The following PAX8 variants were observed in gnomAD, a reference collection of about 807,000 sequenced individuals.
PAX8 encodes paired box 8.
In PAX8, 15 loss-of-function variants were observed where a neutral mutation model predicts 52.4. That is an observed-to-expected ratio of 0.29 (90% CI 0.19 to 0.44). The LOEUF is 0.44. Among genes scored for constraint, PAX8 ranks in the 20% least tolerant of loss-of-function variants. The probability of loss-of-function intolerance (pLI) is 1.00; values close to 1 mark genes in which losing one functional copy is unlikely to be tolerated. For missense variants in PAX8, 554 were observed against 602.5 expected (o/e 0.92, Z 0.84); for synonymous variants, 284 against 249.7 (o/e 1.14, Z -1.29).
intron 4 of PAX8, among the ~76,000 whole-genome samples, chr2:113,243,084 C>T (rs1691000671): frequency 6.6e-6 from 1 of 152,210 alleles, no homozygotes; most frequent in Admixed American, 6.5e-5. Flanking sequence ...ACCTTGCCAA[C>T]GTTGACCCCT....
At chr2:113,222,422 A>G (rs1689324338) in intron 10 of PAX8, among the ~76,000 whole-genome samples, 1 of 152,214 alleles carries the variant, frequency 6.6e-6, no homozygotes, top group African/African-American at 2.4e-5. Context: ...CGAGTACCTC[A>G]GTCACATGGA....
At chr2:113,224,415 T>C (rs750245119) in intron 10 of PAX8, among the ~76,000 whole-genome samples, 32 of 151,876 alleles carry the variant, frequency 2.1e-4, no homozygotes, top group Non-Finnish European at 3.8e-4. Flanking sequence ...GGTGTGGTGG[T>C]GGGTCCCTGT....
chr2:113,238,383 T>C (rs545308391), intron 7 of PAX8: 6 of 152,724 alleles, frequency 3.9e-5, no homozygotes, highest in South Asian at 2.1e-4. Context: ...GTGTGTCTTA[T>C]TGAAATTGAA....
chr2:113,270,177 A>G (rs1693364933), intron 2 of PAX8: 1 of 152,204 alleles, frequency 6.6e-6, no homozygotes, highest in South Asian at 2.1e-4. Context: ...ACTGGGTTGC[A>G]AGTTACTGGT....
chr2:113,227,862 C>A (rs900629272), intron 9 of PAX8, among the ~76,000 whole-genome samples: 9 of 152,234 alleles, frequency 5.9e-5, no homozygotes, highest in Middle Eastern at 3.4e-3. Context: ...TCAGAGTTGC[C>A]AGGTACAGGA....
At chr2:113,242,165 G>A (rs1375587719) in intron 5 of PAX8, 35 bp from the exon 6 acceptor site, 1 of 1,590,238 alleles carries the variant, frequency 6.3e-7, no homozygotes, top group Non-Finnish European at 8.6e-7. Flanking sequence ...TCAGGGGTGG[G>A]AGTGACACCC....
At chr2:113,262,961 G>A (rs934068292) in intron 2 of PAX8, among the ~76,000 whole-genome samples, 20 of 152,176 alleles carry the variant, frequency 1.3e-4, no homozygotes, top group African/African-American at 4.6e-4. Context: ...GCTAGCAAAC[G>A]CATGCACAGA....
intron 5 of PAX8, 143 bp from the exon 6 acceptor site, chr2:113,242,273 A>T: frequency 1.5e-6 from 1 of 661,140 alleles, no homozygotes. Context: ...CACCCCTTAC[A>T]GCCCTGGGGT....
chr2:113,276,079 C>T (rs1346766570), intron 2 of PAX8: 2 of 152,264 alleles, frequency 1.3e-5, no homozygotes, highest in African/African-American at 4.8e-5. Context: ...GCTCCCTAAG[C>T]ACGGCCGGTC....
At chr2:113,278,676 G>T in intron 1 of PAX8, 155 bp downstream of exon 1, 3 of 635,640 alleles carry the variant, frequency 4.7e-6, no homozygotes, top group Admixed American at 6.1e-5. Context: ...AGAAGCTCCA[G>T]ACTCCAACCT....
At chr2:113,226,773 T>C in intron 10 of PAX8, 1 of 1,190,402 alleles carries the variant, frequency 8.4e-7, no homozygotes, top group South Asian at 2.0e-5. Flanking sequence ...CAGCACTGCT[T>C]GAGGGTAGGG....
chr2:113,234,300 C>T (rs146824548), intron 9 of PAX8, among the ~76,000 whole-genome samples: 1 of 152,338 alleles, frequency 6.6e-6, no homozygotes, highest in Middle Eastern at 3.4e-3. Flanking sequence ...ATTCCTCAGG[C>T]CCTGGCTGGA....
intron 11 of PAX8, among the ~76,000 whole-genome samples, chr2:113,219,639 G>C (rs1689169316): frequency 6.6e-6 from 1 of 152,188 alleles, no homozygotes. Context: ...CACTTAGATG[G>C]TTAATGGGGG....
chr2:113,218,560 G>T lies in PAX8; in HGVS notation c.1326C>A (p.Thr442=). Residue 442 remains threonine, a synonymous_variant, in exon 12 of 12, where the codon ACC becomes ACA. Coordinates refer to ENST00000429538, the MANE Select transcript of PAX8 (RefSeq NM_003466.4). ...ACAGATGGTCAAAGGCCGTGGCAGT[G>T]GTGGGCGGTGCACTCGGCCTTGATG... ...SSTSRPSAPP[T]TATAFDHL 3.2e-6 allele frequency: 5 copies of T among 1,558,314 alleles called. No homozygotes were observed. Among genetic ancestry groups the T allele is most frequent in the Non-Finnish European group, 4.3e-6 (5 of 1,150,724 alleles).
intron 2 of PAX8, among the ~76,000 whole-genome samples, chr2:113,257,003 T>C (rs1692313110): frequency 6.6e-6 from 1 of 152,186 alleles, no homozygotes; most frequent in Admixed American, 6.5e-5. Flanking sequence ...TTCCAGGTTC[T>C]GGGGACATAG....
chr2:113,265,545 C>T (rs1692989091), intron 2 of PAX8: 1 of 152,448 alleles, frequency 6.6e-6, no homozygotes, highest in Non-Finnish European at 1.5e-5. Context: ...GCTGGTTTCT[C>T]CTCTGAGCCA....
Position 113,226,795 on chromosome 2 carries a change from C to T in PAX8, c.1189+360G>A, listed in dbSNP as rs114309540. The T allele has an allele frequency of 8.0e-5, 97 of 1,216,792 alleles. 2 individuals are homozygous for T. The African/African-American group carries it at 1.5e-3, about 18-fold the overall frequency. The allele number at this position is 1,216,792 out of a possible 1,614,324, so 75.4% of individuals were successfully genotyped here. On this transcript the variant is annotated intron_variant, in intron 10 of 11. Transcript: ENST00000429538. ...GCTTGAGGGTAGGGTTCATCTTCCA[C>T]TCACAGTGTTTTGGGGCCCTTAGAG... is the stretch of plus-strand genomic sequence containing the variant.
intron 10 of PAX8, chr2:113,226,645 T>C (rs890953854): frequency 1.8e-6 from 2 of 1,097,964 alleles, no homozygotes; most frequent in African/African-American, 1.7e-5. Flanking sequence ...GTGAAGCATA[T>C]ATTTCATCAT....
intron 3 of PAX8, among the ~76,000 whole-genome samples, chr2:113,245,853 G>T (rs768175898): frequency 6.6e-6 from 1 of 152,132 alleles, no homozygotes; most frequent in South Asian, 2.1e-4. Context: ...ACTACTTCAG[G>T]AGGGGAGCCA....
Sources: allele counts gnomAD v4.1 joint callset (sites outside exome capture counted in the v4.1 genomes callset), GRCh38; gene constraint gnomAD v4.1.1; transcripts MANE v1.5; gene names NCBI Gene and HGNC (gene_info 2026-07-23, HGNC 2026-07-21).